The following GRID1 variants were observed in gnomAD, a reference collection of about 807,000 sequenced individuals.
GRID1 encodes glutamate receptor ionotropic, delta-1.
In GRID1, 28 loss-of-function variants were observed where a neutral mutation model predicts 98.0. The ratio of observed to expected loss-of-function variants is 0.29; its 90% CI spans 0.21 to 0.39. The LOEUF (loss-of-function observed/expected upper bound fraction) is 0.39. Among genes scored for constraint, GRID1 ranks in the 10% least tolerant of loss-of-function variants. The pLI is 1.00. For missense variants in GRID1, 1,111 were observed against 1,340.5 expected (o/e 0.83, Z 2.67); for synonymous variants, 553 against 538.5 (o/e 1.03, Z -0.37).
At chr10:86,171,596 T>A (rs1589396678) in intron 3 of GRID1, among the ~76,000 whole-genome samples, 1 of 152,110 alleles carries the variant, frequency 6.6e-6, no homozygotes, top group African/African-American at 2.4e-5. Context: ...CAGAGGCAGG[T>A]AGGGTGGGGG....
intron 13 of GRID1, 79 bp from the exon 14 acceptor site, chr10:85,620,112 T>C: frequency 1.6e-6 from 2 of 1,268,654 alleles, no homozygotes; most frequent in Non-Finnish European, 2.3e-6. Flanking sequence ...ATCTTGATGG[T>C]GGGATTTGAG....
intron 3 of GRID1, among the ~76,000 whole-genome samples, chr10:86,180,573 A>G (rs1324356788): frequency 3.9e-5 from 6 of 152,224 alleles, no homozygotes; most frequent in Non-Finnish European, 8.8e-5. Flanking sequence ...TGGGCTGGGC[A>G]GAGGCCTGAG....
intron 5 of GRID1, among the ~76,000 whole-genome samples, chr10:85,881,365 G>A (rs988377685): frequency 6.6e-6 from 1 of 152,050 alleles, no homozygotes; most frequent in Non-Finnish European, 1.5e-5. Flanking sequence ...ACTACCTGAC[G>A]TCGAACTATA....
intron 2 of GRID1, among the ~76,000 whole-genome samples, chr10:86,345,664 C>A (rs986504521): frequency 3.9e-5 from 6 of 152,198 alleles, no homozygotes; most frequent in Non-Finnish European, 7.4e-5. Flanking sequence ...TCCCCACAGG[C>A]CTCTCTCCTC....
At chr10:86,214,158 G>A (rs1846143977) in intron 2 of GRID1, among the ~76,000 whole-genome samples, 1 of 152,116 alleles carries the variant, frequency 6.6e-6, no homozygotes, top group Non-Finnish European at 1.5e-5. Context: ...AATCACATGA[G>A]CTTCCCACTG....
intron 4 of GRID1, among the ~76,000 whole-genome samples, chr10:85,938,580 A>T (rs536368606): frequency 8.5e-5 from 13 of 152,334 alleles, no homozygotes; most frequent in Admixed American, 6.5e-4. Context: ...CCTCAGAGAC[A>T]TCATAAAATG....
At chr10:85,867,611 C>A (rs1253464217) in intron 6 of GRID1, among the ~76,000 whole-genome samples, 3 of 152,260 alleles carry the variant, frequency 2.0e-5, no homozygotes, top group Non-Finnish European at 4.4e-5. Flanking sequence ...ACTCCACATA[C>A]AGGAAGGCAG....
At chr10:85,702,877 G>A (rs1841468512) in intron 12 of GRID1, among the ~76,000 whole-genome samples, 1 of 150,388 alleles carries the variant, frequency 6.6e-6, no homozygotes. Context: ...GGGAGGAGAA[G>A]GAGAAGGAAA....
intron 8 of GRID1, among the ~76,000 whole-genome samples, chr10:85,765,620 G>A (rs1307814503): frequency 6.6e-6 from 1 of 152,082 alleles, no homozygotes; most frequent in Non-Finnish European, 1.5e-5. Flanking sequence ...TGCATATAAG[G>A]TGTATGTGAA....
rs534924321 is a variant in GRID1 at position 86,024,552 on chromosome 10, G to A, written c.727-108313C>T. On this transcript the variant is annotated intron_variant, in intron 4 of 15. Coordinates refer to ENST00000327946, the MANE Select transcript of GRID1 (RefSeq NM_017551.3). Reference sequence around the variant, plus strand: ...GATCCATGCAAAGTCACTGCGAGGAGCCTCACCATGACGTGGATGGTGCCG... The same window carrying A: ...GATCCATGCAAAGTCACTGCGAGGAACCTCACCATGACGTGGATGGTGCCG... Among the ~76,000 whole-genome samples, 5 of 152,316 alleles carry A rather than the reference G, an allele frequency of 3.3e-5. No homozygotes were observed. The East Asian group carries it at 9.6e-4, about 29-fold the overall frequency.
intron 4 of GRID1, among the ~76,000 whole-genome samples, chr10:85,960,864 C>G (rs550383583): frequency 1.3e-5 from 2 of 152,258 alleles, no homozygotes; most frequent in East Asian, 3.9e-4. Flanking sequence ...TTCTTTTGAT[C>G]TCTTGAGAAC....
chr10:85,733,362 C>T (rs1164386265), intron 8 of GRID1, among the ~76,000 whole-genome samples: 1 of 152,152 alleles, frequency 6.6e-6, no homozygotes, highest in Admixed American at 6.5e-5. Flanking sequence ...TCAGGATCTC[C>T]AACCTTGCCT....
chr10:85,655,268 G>A (rs552107984), intron 12 of GRID1, among the ~76,000 whole-genome samples: 39 of 152,270 alleles, frequency 2.6e-4, no homozygotes, highest in South Asian at 1.7e-3. Context: ...CTGTCATGTC[G>A]TATTGAAAGA....
chr10:86,025,298 T>C (rs1303163412), intron 4 of GRID1, among the ~76,000 whole-genome samples: 2 of 152,200 alleles, frequency 1.3e-5, no homozygotes, highest in Non-Finnish European at 2.9e-5. Flanking sequence ...GTAGTGGTTA[T>C]GGTGGTTTGC....
At chr10:85,715,776 C>T (rs561258927) in intron 12 of GRID1, among the ~76,000 whole-genome samples, 3 of 152,192 alleles carry the variant, frequency 2.0e-5, no homozygotes, top group South Asian at 2.1e-4. Flanking sequence ...ATAGAAGTAC[C>T]GTATGATCCA....
At chr10:86,019,630 G>A (rs1310090609) in intron 4 of GRID1, among the ~76,000 whole-genome samples, 3 of 152,254 alleles carry the variant, frequency 2.0e-5, no homozygotes, top group Admixed American at 6.5e-5. Flanking sequence ...CTGGGTGGAA[G>A]TTGGCATCTC....
intron 5 of GRID1, among the ~76,000 whole-genome samples, chr10:85,895,011 A>AT (rs1589290695): frequency 3.1e-5 from 4 of 128,066 alleles, no homozygotes; most frequent in Non-Finnish European, 5.0e-5. Flanking sequence ...CAAAAAAAAA[A>AT]AAAAAATATA....
At chr10:85,802,838 A>ACAC (rs1842589061) in intron 8 of GRID1, among the ~76,000 whole-genome samples, 1 of 120,878 alleles carries the variant, frequency 8.3e-6, no homozygotes, top group Admixed American at 8.6e-5. Context: ...AAGCAGAATA[A>ACAC]ACACACACAC....
intron 12 of GRID1, among the ~76,000 whole-genome samples, chr10:85,714,126 C>A (rs1467142857): frequency 1.3e-5 from 2 of 151,886 alleles, no homozygotes; most frequent in African/African-American, 4.8e-5. Flanking sequence ...GAGCTAAAGG[C>A]CATTATTCGA....
Sources: allele counts gnomAD v4.1 joint callset (sites outside exome capture counted in the v4.1 genomes callset), GRCh38; gene constraint gnomAD v4.1.1; transcripts MANE v1.5; gene names NCBI Gene and HGNC (gene_info 2026-07-23, HGNC 2026-07-21).